The following ITPR1 variants were observed in gnomAD, a reference collection of about 807,000 sequenced individuals.
ITPR1 encodes inositol 1,4,5-trisphosphate receptor type 1.
A neutral mutation model predicts 318.4 loss-of-function variants in ITPR1; 96 were observed. That is an observed-to-expected ratio of 0.30 (90% confidence interval 0.26 to 0.36). ITPR1 has a LOEUF of 0.36. ITPR1 is among the 10% of genes least tolerant of loss of function. The pLI, the probability that ITPR1 is intolerant of heterozygous loss-of-function variation, is 1.00. For synonymous variants in ITPR1, 1,312 were observed against 1,289.9 expected (o/e 1.02, Z -0.37); for missense variants, 2,440 against 3,460.2 (o/e 0.71, Z 7.40).
intron 61 of ITPR1, among the ~76,000 whole-genome samples, chr3:4,839,072 A>T (rs991487617): frequency 1.8e-4 from 27 of 152,244 alleles, no homozygotes; most frequent in African/African-American, 6.5e-4. Flanking sequence ...TCACGCCTGT[A>T]ATCCCAACAT....
At chr3:4,717,556 G>C (rs932822046) in intron 40 of ITPR1, among the ~76,000 whole-genome samples, 157 bp downstream of exon 40, 1 of 152,136 alleles carries the variant, frequency 6.6e-6, no homozygotes, top group Non-Finnish European at 1.5e-5. Flanking sequence ...TGTCGTGTCT[G>C]TGTTAGCATT....
rs1193142297 is a variant in ITPR1, at chr3:4,623,865, C to G, written c.164-3898C>G. On this transcript the variant is annotated intron_variant, in intron 4 of 61. Transcript: ENST00000649015. ...ACACAGACAGTTGGTTGTAAATACACTTAATGCAATGCAATACTCTGTTTC... is the reference window on the plus strand; with the variant it reads ...ACACAGACAGTTGGTTGTAAATACAGTTAATGCAATGCAATACTCTGTTTC... Among the ~76,000 whole-genome samples the G allele has an allele frequency of 5.3e-5, 8 of 152,186 alleles. No homozygotes were observed. In the East Asian group the frequency reaches 1.5e-3, roughly 29 times the overall value.
In ITPR1 at chr3:4,846,847, A is replaced by G. The variant is rs1326214939; in HGVS notation, c.*622A>G. Reference sequence around the variant, plus strand: ...ATGCTCCAAGTCTATGAACTGTTAAATCAGCATTCATTTTAAGAAAAGCAA... The same window carrying G: ...ATGCTCCAAGTCTATGAACTGTTAAGTCAGCATTCATTTTAAGAAAAGCAA... On this transcript the variant is annotated 3_prime_UTR_variant, in exon 62 of 62. Coordinates refer to ENST00000649015, the MANE Select transcript of ITPR1 (RefSeq NM_001378452.1). 1 of 152,660 alleles carries G rather than the reference A, an allele frequency of 6.6e-6. No individual in the cohort carries two copies. The highest frequency in any genetic ancestry group is 2.4e-5 in the African/African-American group (1 of 41,456). The allele number at this position is 152,660 out of a possible 1,614,324, so 9.5% of individuals were successfully genotyped here. A position where few individuals can be genotyped will look rare whatever the true frequency, so the allele number is the denominator to read the frequency against.
intron 39 of ITPR1, among the ~76,000 whole-genome samples, chr3:4,713,855 C>G (rs1031142029): frequency 6.6e-6 from 1 of 152,112 alleles, no homozygotes; most frequent in Non-Finnish European, 1.5e-5. Flanking sequence ...CATTCCCATC[C>G]ATGAATGTGA....
intron 25 of ITPR1, 135 bp downstream of exon 25, chr3:4,680,826 A>T: frequency 1.3e-6 from 1 of 755,236 alleles, no homozygotes; most frequent in Non-Finnish European, 2.1e-6. Context: ...TCATCCTGGC[A>T]GTTACTCTTT....
Position 4,791,261 on chromosome 3 carries a change from A to C in ITPR1, c.6808+3122A>C, listed in dbSNP as rs56243301. Among the ~76,000 whole-genome samples, 916 of 152,322 alleles carry C rather than the reference A, an allele frequency of 6.0e-3. 5 individuals are homozygous for C. Among genetic ancestry groups the C allele is most frequent in the Non-Finnish European group, 8.4e-3 (573 of 68,016 alleles). On this transcript the variant is annotated intron_variant, in intron 52 of 61. Transcript: ENST00000649015. The stretch of plus-strand genomic sequence containing the variant: ...ATCCAACCAACTTTTAGCCCCTGAT[A>C]AGTAGAAAACGTGCTGTAAGGCAGC...
chr3:4,760,676 G>T (rs1180941767), intron 44 of ITPR1, among the ~76,000 whole-genome samples: 1 of 152,160 alleles, frequency 6.6e-6, no homozygotes, highest in African/African-American at 2.4e-5. Context: ...AGGGGAGAAG[G>T]CTTCCTTGCC....
Position 4,580,191 on chromosome 3 carries a change from C to T in ITPR1, c.164-47572C>T, listed in dbSNP as rs528839540. 9.3e-4 allele frequency among the ~76,000 whole-genome samples: 142 copies of T among 152,198 alleles called. 1 individual carries two copies. The highest frequency in any genetic ancestry group is 3.2e-3 in the African/African-American group (132 of 41,494). On this transcript the variant is annotated intron_variant, in intron 4 of 61. Coordinates refer to ENST00000649015, the MANE Select transcript of ITPR1 (RefSeq NM_001378452.1). Reference sequence around the variant, plus strand: ...TGCCACTCCACTCCATCCTGGGCAACAGAGCCAGACTCCGTCTCAAAAAAA... The same window carrying T: ...TGCCACTCCACTCCATCCTGGGCAATAGAGCCAGACTCCGTCTCAAAAAAA...
intron 4 of ITPR1, among the ~76,000 whole-genome samples, chr3:4,574,213 T>C (rs1349190959): frequency 6.6e-6 from 1 of 152,064 alleles, no homozygotes; most frequent in African/African-American, 2.4e-5. Flanking sequence ...TTTTTTTTTT[T>C]TCAGCCTCTT....
At chr3:4,751,665 G>A (rs1157192279) in intron 44 of ITPR1, 3 of 152,204 alleles carry the variant, frequency 2.0e-5, no homozygotes, top group African/African-American at 7.2e-5. Context: ...TTCTGTTAGA[G>A]ACATCTGCAT....
intron 60 of ITPR1, among the ~76,000 whole-genome samples, chr3:4,819,191 C>T (rs1372821504): frequency 1.3e-5 from 2 of 152,150 alleles, no homozygotes; most frequent in African/African-American, 2.4e-5. Flanking sequence ...CTAGAGGCAG[C>T]CAGGCTTTCA....
Position 4,846,231 on chromosome 3 carries a change from TGAAA to T in ITPR1, c.*12_*15del. On this transcript the variant is annotated 3_prime_UTR_variant, in exon 62 of 62. Transcript: ENST00000649015. The stretch of plus-strand genomic sequence containing the variant: ...ACCCACAACAACCAGCATAAGCAAA[TGAAA>T]GAAAGGAATTGTATTTACCTTTTAT... 6.5e-7 allele frequency: 1 copy of T among 1,534,940 alleles called. No individual in the cohort carries two copies. Among genetic ancestry groups the T allele is most frequent in the Non-Finnish European group, 8.9e-7 (1 of 1,129,790 alleles).
At chr3:4,524,304 T>TTTG (rs1278832661) in intron 4 of ITPR1, among the ~76,000 whole-genome samples, 1 of 137,200 alleles carries the variant, frequency 7.3e-6, no homozygotes, top group Non-Finnish European at 1.6e-5. Flanking sequence ...CTTTGACGTT[T>TTTG]TTTTTTTTTT....
At chr3:4,502,673 T>C (rs1439562001) in intron 2 of ITPR1, among the ~76,000 whole-genome samples, 1 of 152,030 alleles carries the variant, frequency 6.6e-6, no homozygotes, top group East Asian at 1.9e-4. Context: ...TCTCTTGACC[T>C]CATGACCTGC....
At position 4,732,436 on chromosome 3, in the gene ITPR1, G is replaced by T. The variant is rs78538017; in HGVS notation, c.5221-652G>T. Among the ~76,000 whole-genome samples, 198 of 151,792 alleles carry T rather than the reference G, an allele frequency of 1.3e-3. 3 individuals carry two copies. In the East Asian group the frequency reaches 0.036, roughly 28 times the overall value. On this transcript the variant is annotated intron_variant, in intron 42 of 61. Coordinates refer to ENST00000649015, the MANE Select transcript of ITPR1 (RefSeq NM_001378452.1). ...CCCTCGCTGCTTCCCCTTCTCTCCTGTATTGTTTTAAAGAAGATTCCAGAC... is the reference window on the plus strand; with the variant it reads ...CCCTCGCTGCTTCCCCTTCTCTCCTTTATTGTTTTAAAGAAGATTCCAGAC...
At chr3:4,506,406 C>G (rs1428789219) in intron 2 of ITPR1, among the ~76,000 whole-genome samples, 2 of 152,122 alleles carry the variant, frequency 1.3e-5, no homozygotes, top group Non-Finnish European at 2.9e-5. Context: ...TTTTGCATGA[C>G]TGCCTCTATC....
intron 4 of ITPR1, among the ~76,000 whole-genome samples, chr3:4,579,408 A>C (rs879280310): frequency 2.0e-5 from 3 of 152,256 alleles, no homozygotes; most frequent in Non-Finnish European, 4.4e-5. Context: ...TATGTATAAC[A>C]TATATTATAC....
At chr3:4,546,698 C>T (rs1411180990) in intron 4 of ITPR1, among the ~76,000 whole-genome samples, 1 of 150,932 alleles carries the variant, frequency 6.6e-6, no homozygotes, top group Non-Finnish European at 1.5e-5. Context: ...AATTTAATGG[C>T]AGAGGTGTAG....
At chr3:4,751,890 G>A (rs2044556958) in intron 44 of ITPR1, among the ~76,000 whole-genome samples, 1 of 152,174 alleles carries the variant, frequency 6.6e-6, no homozygotes. Flanking sequence ...GAACTGACTT[G>A]ATGTTCACAG....
Sources: allele counts gnomAD v4.1 joint callset (sites outside exome capture counted in the v4.1 genomes callset), GRCh38; gene constraint gnomAD v4.1.1; transcripts MANE v1.5; gene names NCBI Gene and HGNC (gene_info 2026-07-23, HGNC 2026-07-21).